Variants in DOCK7 observed in about 807,000 individuals in gnomAD.
The protein encoded by DOCK7 is dedicator of cytokinesis protein 7.
A neutral mutation model predicts 271.0 loss-of-function variants in DOCK7; 138 were observed. The observed-to-expected ratio is 0.51, with a 90% CI of 0.44 to 0.59. DOCK7 has a LOEUF of 0.59. DOCK7 is among the 20% of genes least tolerant of loss of function. The pLI is 0.00. For synonymous variants in DOCK7, 823 were observed against 876.1 expected (o/e 0.94, Z 1.07); for missense variants, 2,066 against 2,592.4 (o/e 0.80, Z 4.41).
intron 14 of DOCK7, among the ~76,000 whole-genome samples, chr1:62,597,119 T>C (rs1038748117): frequency 1.3e-5 from 2 of 152,186 alleles, no homozygotes; most frequent in African/African-American, 4.8e-5. Flanking sequence ...TGGATCACTG[T>C]TTCCAAAAGA....
chr1:62,608,275 C>T (rs2149556532), intron 14 of DOCK7: 1 of 152,278 alleles, frequency 6.6e-6, no homozygotes, highest in Middle Eastern at 3.4e-3. Flanking sequence ...TTTCAAAAGT[C>T]TCTATCACCT....
chr1:62,497,996 C>T (rs942757331), intron 37 of DOCK7, among the ~76,000 whole-genome samples: 2 of 151,156 alleles, frequency 1.3e-5, no homozygotes, highest in African/African-American at 4.9e-5. Context: ...GGCATGGTGG[C>T]TCACATCTGT....
chr1:62,573,525 A>T (rs1432256577), intron 18 of DOCK7, among the ~76,000 whole-genome samples: 1 of 152,218 alleles, frequency 6.6e-6, no homozygotes, highest in African/African-American at 2.4e-5. Context: ...AAAGCAGAGA[A>T]AGTGAATGAA....
At chr1:62,525,400 GC>G (rs1403525623) in intron 31 of DOCK7, among the ~76,000 whole-genome samples, 1 of 152,146 alleles carries the variant, frequency 6.6e-6, no homozygotes, top group Admixed American at 6.5e-5. Flanking sequence ...GAAAGGGCAT[GC>G]TAAGAACTTC....
chr1:62,682,376 G>C (rs1311639292), intron 1 of DOCK7, among the ~76,000 whole-genome samples: 1 of 152,160 alleles, frequency 6.6e-6, no homozygotes, highest in Non-Finnish European at 1.5e-5. Flanking sequence ...AATAATAAAG[G>C]ATGTCCAACG....
At chr1:62,563,859 C>A (rs1162570248) in intron 18 of DOCK7, among the ~76,000 whole-genome samples, 4 of 34,042 alleles carry the variant, frequency 1.2e-4, no homozygotes, top group African/African-American at 1.5e-4. Context: ...GAATATTTAC[C>A]AAGCAAAAAA....
chr1:62,567,950 T>C (rs1023262341), intron 18 of DOCK7, among the ~76,000 whole-genome samples: 3 of 152,088 alleles, frequency 2.0e-5, no homozygotes, highest in Non-Finnish European at 1.5e-5. Context: ...CAACAGAATA[T>C]ACAATCTTCT....
intron 35 of DOCK7, 121 bp downstream of exon 35, chr1:62,507,841 A>G (rs1176519482): frequency 1.2e-6 from 1 of 857,452 alleles, no homozygotes; most frequent in East Asian, 2.9e-5. Context: ...GCTTGGAACG[A>G]AACTTTTAGG....
At chr1:62,467,963 A>G (rs1242780321) in intron 48 of DOCK7, among the ~76,000 whole-genome samples, 1 of 152,240 alleles carries the variant, frequency 6.6e-6, no homozygotes, top group Non-Finnish European at 1.5e-5. Flanking sequence ...ACATGAGTCA[A>G]TAAATGTGAT....
chr1:62,611,897 C>T (rs1651833307), intron 14 of DOCK7, among the ~76,000 whole-genome samples: 1 of 151,774 alleles, frequency 6.6e-6, no homozygotes, highest in Admixed American at 6.6e-5. Flanking sequence ...GTAATCCCAG[C>T]ACTTTGGTAG....
chr1:62,503,128 G>A (rs751376444), intron 37 of DOCK7, among the ~76,000 whole-genome samples: 1 of 151,932 alleles, frequency 6.6e-6, no homozygotes, highest in African/African-American at 2.4e-5. Flanking sequence ...ATGAGTATTA[G>A]TACACCAAAT....
chr1:62,525,963 G>T (rs906947002), intron 31 of DOCK7, among the ~76,000 whole-genome samples: 27 of 152,238 alleles, frequency 1.8e-4, no homozygotes, highest in African/African-American at 6.0e-4. Context: ...TTGAGACAGG[G>T]TCTTGCTCTG....
chr1:62,457,801 G>T, intron 48 of DOCK7, 96 bp from the exon 49 acceptor site: 3 of 1,139,522 alleles, frequency 2.6e-6, no homozygotes, highest in Non-Finnish European at 3.8e-6. Flanking sequence ...ATATATGTGG[G>T]CTTAATGACA....
chr1:62,565,476 T>A (rs973573286), intron 18 of DOCK7, among the ~76,000 whole-genome samples: 2 of 152,098 alleles, frequency 1.3e-5, no homozygotes, highest in African/African-American at 4.8e-5. Flanking sequence ...ATTATCTCAA[T>A]AGATGCAGAG....
rs1315617482 is a variant in DOCK7, at chr1:62,653,747, C to A, written c.367G>T (p.Asp123Tyr). 6.3e-7 allele frequency: 1 copy of A among 1,587,934 alleles called. No homozygotes were observed. The highest frequency in any genetic ancestry group is 8.6e-7 in the Non-Finnish European group (1 of 1,157,656). ...TACTTTCTGATGACAATTGCCCAGTCTTCTGTATAACTTCTTATACAGTCT... is the reference window on the plus strand; with the variant it reads ...TACTTTCTGATGACAATTGCCCAGTATTCTGTATAACTTCTTATACAGTCT... ...VRDCIRSYTE[D>Y]WAIVIRKYHK... The change falls in exon 4 of 50, where the codon GAC (aspartate) becomes TAC (tyrosine). Residue 123 changes from aspartate (D) to tyrosine (Y), a missense_variant. Asp to Tyr is a radical substitution (Grantham distance 160, BLOSUM62 -3). Around this residue, in one of 2 missense-constraint regions of DOCK7, gnomAD observed 1,414 missense variants for 1,670.4 expected, o/e 0.85. Transcript: ENST00000635253.
intron 4 of DOCK7, 95 bp downstream of exon 4, chr1:62,653,630 A>G: frequency 1.3e-6 from 1 of 787,382 alleles, no homozygotes; most frequent in African/African-American, 1.8e-5. Context: ...TTGTTTAAAT[A>G]AATTTTCAGG....
At chr1:62,569,478 G>T (rs1646694240) in intron 18 of DOCK7, among the ~76,000 whole-genome samples, 1 of 151,654 alleles carries the variant, frequency 6.6e-6, no homozygotes, top group Non-Finnish European at 1.5e-5. Context: ...CAGAACTAAA[G>T]ACAAAAACCA....
In DOCK7 at chr1:62,485,389, T is replaced by C. The variant is rs908605169; in HGVS notation, c.5508+2009A>G. 16 of 985,186 alleles carry C rather than the reference T, an allele frequency of 1.6e-5. No individual in the cohort carries two copies. In the African/African-American group the frequency reaches 2.1e-4, roughly 13 times the overall value. The allele number at this position is 985,186 out of a possible 1,614,324, so 61.0% of individuals were successfully genotyped here. On this transcript the variant is annotated intron_variant, in intron 43 of 49. Coordinates refer to ENST00000635253, the MANE Select transcript of DOCK7 (RefSeq NM_001367561.1). ...TTCTAAAAAGCTTTGCCAACTCAAA[T>C]AATTTGCACTAAATCAAGGAGCACA...
chr1:62,508,352 T>C (rs2149328824), intron 34 of DOCK7, among the ~76,000 whole-genome samples: 1 of 152,204 alleles, frequency 6.6e-6, no homozygotes, highest in East Asian at 1.9e-4. Flanking sequence ...TAAGTGACAC[T>C]GACACTAGGT....
Sources: allele counts gnomAD v4.1 joint callset (sites outside exome capture counted in the v4.1 genomes callset), GRCh38; gene constraint gnomAD v4.1.1; regional missense constraint gnomAD v4.1.1; transcripts MANE v1.5; gene names NCBI Gene and HGNC (gene_info 2026-07-23, HGNC 2026-07-21).